Variants in PTPRD observed in about 807,000 individuals in gnomAD.
PTPRD encodes the protein protein tyrosine phosphatase receptor type D, also known as receptor-type tyrosine-protein phosphatase delta.
In PTPRD, 34 loss-of-function variants were observed where a neutral mutation model predicts 214.5. The observed-to-expected ratio is 0.16, with a 90% confidence interval of 0.12 to 0.21. The LOEUF is 0.21. Among genes scored for constraint, PTPRD ranks in the 10% least tolerant of loss-of-function variants. The pLI is 1.00. For missense variants in PTPRD, 2,545 were observed against 2,398.7 expected (o/e 1.06, Z -1.27); for synonymous variants, 1,128 against 845.7 (o/e 1.33, Z -5.79).
At chr9:8,557,455 T>TATATACACACACATACACATAC in intron 14 of PTPRD, among the ~76,000 whole-genome samples, 2 of 135,640 alleles carry the variant, frequency 1.5e-5, no homozygotes, top group African/African-American at 7.0e-5. Context: ...TATATATATA[T>TATATACACACACATACACATAC]ATTTGGGCCG....
chr9:8,379,234 G>C (rs560306209), intron 37 of PTPRD, among the ~76,000 whole-genome samples: 2 of 152,066 alleles, frequency 1.3e-5, no homozygotes, highest in Non-Finnish European at 2.9e-5. Flanking sequence ...ATATCCTAAC[G>C]TATGTGGAAA....
intron 3 of PTPRD, among the ~76,000 whole-genome samples, chr9:10,214,794 C>G (rs952279419): frequency 2.6e-5 from 4 of 151,988 alleles, no homozygotes; most frequent in Admixed American, 2.6e-4. Flanking sequence ...GTCTCTTTGC[C>G]AACATGTAGC....
chr9:10,059,240 C>T (rs2097712469), intron 3 of PTPRD, among the ~76,000 whole-genome samples: 1 of 152,100 alleles, frequency 6.6e-6, no homozygotes, highest in African/African-American at 2.4e-5. Flanking sequence ...ATGTTCTTCA[C>T]ATACTCCTGC....
At chr9:8,984,257 A>G (rs565225643) in intron 11 of PTPRD, among the ~76,000 whole-genome samples, 1 of 152,186 alleles carries the variant, frequency 6.6e-6, no homozygotes, top group Admixed American at 6.6e-5. Context: ...ACATTTTATA[A>G]ATTTTTAGTA....
chr9:9,420,625 C>G (rs1418565831), intron 8 of PTPRD, among the ~76,000 whole-genome samples: 1 of 151,844 alleles, frequency 6.6e-6, no homozygotes. Context: ...ATGCAAGCTT[C>G]TTTGTATTAG....
chr9:9,071,466 T>C (rs1006303843), intron 10 of PTPRD, among the ~76,000 whole-genome samples: 2 of 151,744 alleles, frequency 1.3e-5, no homozygotes, highest in African/African-American at 4.8e-5. Flanking sequence ...TAGGAGAGAG[T>C]CTTCTTGCTG....
At chr9:10,499,707 T>C (rs1007456127) in intron 2 of PTPRD, among the ~76,000 whole-genome samples, 1 of 151,860 alleles carries the variant, frequency 6.6e-6, no homozygotes. Context: ...ATTTTCAAAC[T>C]AAATTTGTAG....
chr9:9,420,009 T>C (rs1354204286), intron 8 of PTPRD, among the ~76,000 whole-genome samples: 3 of 151,672 alleles, frequency 2.0e-5, no homozygotes, highest in African/African-American at 4.8e-5. Flanking sequence ...GAAAGGTAGT[T>C]ACTCCCAGGT....
chr9:9,524,190 A>C (rs2073443007), intron 8 of PTPRD, among the ~76,000 whole-genome samples: 1 of 152,140 alleles, frequency 6.6e-6, no homozygotes, highest in South Asian at 2.1e-4. Flanking sequence ...GGAGGTGAGT[A>C]TGGGAGCCCT....
At chr9:8,790,206 G>A (rs1343716817) in intron 11 of PTPRD, among the ~76,000 whole-genome samples, 1 of 151,560 alleles carries the variant, frequency 6.6e-6, no homozygotes, top group African/African-American at 2.4e-5. Flanking sequence ...TGTAGAGACG[G>A]GATCTCACTA....
chr9:9,232,925 TA>T (rs1349526901), intron 9 of PTPRD, among the ~76,000 whole-genome samples: 1 of 152,030 alleles, frequency 6.6e-6, no homozygotes, highest in Non-Finnish European at 1.5e-5. Flanking sequence ...GCTATAAACC[TA>T]GAAAAATACT....
At chr9:9,597,704 GA>G (rs1563954666) in intron 7 of PTPRD, among the ~76,000 whole-genome samples, 5 of 152,022 alleles carry the variant, frequency 3.3e-5, no homozygotes, top group Admixed American at 1.3e-4. Context: ...AATTGATGGA[GA>G]AAAAGTGGAG....
At chr9:8,609,163 T>G (rs1216227947) in intron 14 of PTPRD, among the ~76,000 whole-genome samples, 4 of 152,200 alleles carry the variant, frequency 2.6e-5, no homozygotes. Flanking sequence ...AATCCTTGTT[T>G]TCCTTCAATC....
chr9:10,408,609 T>C (rs7040211), intron 2 of PTPRD, among the ~76,000 whole-genome samples: 125,922 of 151,312 alleles, frequency 0.83, 52,434 homozygotes, highest in East Asian at 0.88. Context: ...TGCCAGATAA[T>C]ACTTCTATAT....
intron 11 of PTPRD, among the ~76,000 whole-genome samples, chr9:8,986,889 G>T (rs535112095): frequency 6.6e-6 from 1 of 152,180 alleles, no homozygotes; most frequent in East Asian, 1.9e-4. Flanking sequence ...GTTTGAAAGT[G>T]ATGTACTACT....
At chr9:10,002,557 T>C (rs1455110670) in intron 4 of PTPRD, among the ~76,000 whole-genome samples, 1 of 150,892 alleles carries the variant, frequency 6.6e-6, no homozygotes, top group Admixed American at 6.6e-5. Context: ...TCAGACAAAA[T>C]AGACTTAAAC....
At chr9:10,543,181 G>A (rs1024782344) in intron 2 of PTPRD, among the ~76,000 whole-genome samples, 1 of 152,014 alleles carries the variant, frequency 6.6e-6, no homozygotes, top group Non-Finnish European at 1.5e-5. Context: ...CACCACGCCC[G>A]GCCACTAGCT....
intron 3 of PTPRD, among the ~76,000 whole-genome samples, chr9:10,144,374 A>G (rs1318014075): frequency 3.9e-5 from 6 of 152,104 alleles, no homozygotes; most frequent in Non-Finnish European, 7.4e-5. Flanking sequence ...AGAATTGGTG[A>G]CACTCAGGCG....
intron 4 of PTPRD, among the ~76,000 whole-genome samples, chr9:9,972,756 C>T (rs1203048734): frequency 6.6e-6 from 1 of 152,140 alleles, no homozygotes; most frequent in African/African-American, 2.4e-5. Context: ...TGCCTGCATG[C>T]CTTGTCTTGT....
Sources: gnomAD v4.1 joint callset for allele counts (sites outside exome capture counted in the v4.1 genomes callset) on GRCh38, gnomAD v4.1.1 for gene constraint, MANE v1.5 for transcripts, NCBI Gene and HGNC (gene_info 2026-07-23, HGNC 2026-07-21) for gene names.